The following VSIG8 variants were observed in gnomAD, a reference collection of about 807,000 sequenced individuals.
VSIG8 encodes the protein V-set and immunoglobulin domain-containing protein 8.
A neutral mutation model predicts 42.6 loss-of-function variants in VSIG8; 32 were observed. The ratio of observed to expected loss-of-function variants is 0.75; its 90% CI spans 0.57 to 1.01. VSIG8 has a LOEUF of 1.01. Among genes scored for constraint, VSIG8 ranks in the 50% least tolerant of loss-of-function variants. The pLI is 0.00. For missense variants in VSIG8, 529 were observed against 558.0 expected (o/e 0.95, Z 0.52); for synonymous variants, 290 against 243.8 (o/e 1.19, Z -1.77).
At position 159,862,618 on chromosome 1, in the gene VSIG8, G is replaced by T. The variant is rs1649060452; in HGVS notation, c.-97C>A. Reference sequence around the variant, plus strand: ...TAGGTGGAGGGAGGGGGAGCTGAGGGCCCAGACACTGCCTGGGGTGGCAGG... The same window carrying T: ...TAGGTGGAGGGAGGGGGAGCTGAGGTCCCAGACACTGCCTGGGGTGGCAGG... On this transcript the variant is annotated 5_prime_UTR_variant, in exon 1 of 7. Coordinates refer to ENST00000368100, the MANE Select transcript of VSIG8 (RefSeq NM_001013661.1). The T allele has an allele frequency of 6.7e-6, 8 of 1,190,312 alleles. No homozygotes were observed. The highest frequency in any genetic ancestry group is 1.5e-5 in the African/African-American group (1 of 65,522). 73.7% of individuals were successfully genotyped at this position (1,190,312 alleles called of 1,614,324 possible).
In VSIG8 at chr1:159,856,047, G is replaced by A. The variant is rs1187778646; in HGVS notation, c.807C>T (p.Val269=). The A allele has an allele frequency of 1.2e-6, 2 of 1,612,456 alleles. No individual in the cohort carries two copies. The highest frequency in any genetic ancestry group is 1.7e-5 in the Admixed American group (1 of 59,932). Residue 269 remains valine, a synonymous_variant, in exon 6 of 7, where the codon GTC becomes GTT. Transcript: ENST00000368100. ...SRRIGVIIGI[V]LGSLLALGCL... ...AGCCCAGCGCGAGCAGAGAGCCCAG[G>A]ACGATGCCGATGATCACGCCTATAC...
At chr1:159,855,090 G>C (rs1203295613) in intron 6 of VSIG8, 64 bp from the exon 7 acceptor site, 34 of 1,555,860 alleles carry the variant, frequency 2.2e-5, no homozygotes, top group Non-Finnish European at 2.8e-5. Flanking sequence ...GGCACGGCCT[G>C]GGCAGAGCCG....
Position 159,854,662 on chromosome 1 carries a change from GTC to G in VSIG8, c.*89_*90del. 7.4e-7 allele frequency: 1 copy of G among 1,350,438 alleles called. No homozygotes were observed. The highest frequency in any genetic ancestry group is 9.5e-7 in the Non-Finnish European group (1 of 1,056,984). The allele number at this position is 1,350,438 out of a possible 1,614,324, so 83.7% of individuals were successfully genotyped here. A position where few individuals can be genotyped will look rare whatever the true frequency, so the allele number is the denominator to read the frequency against. Reference sequence around the variant, plus strand: ...CGCCTGGCAGCCTGGGGCGAGCGAGGTCGTCCCCAGCCCCGACGTGTCCCCAG... The same window carrying G: ...CGCCTGGCAGCCTGGGGCGAGCGAGGGTCCCCAGCCCCGACGTGTCCCCAG... On this transcript the variant is annotated 3_prime_UTR_variant, in exon 7 of 7. Transcript: ENST00000368100.
rs776077431 is a variant in VSIG8, at chr1:159,857,839, G to T, written c.558C>A (p.His186Gln). The T allele has an allele frequency of 6.2e-7, 1 of 1,614,094 alleles. No homozygotes were observed. Among genetic ancestry groups the T allele is most frequent in the East Asian group, 2.2e-5 (1 of 44,894 alleles). Residue 186 changes from histidine to glutamine, a missense_variant, in exon 4 of 7, where the codon CAC (histidine) becomes CAA (glutamine). Coordinates refer to ENST00000368100, the MANE Select transcript of VSIG8 (RefSeq NM_001013661.1). ...LSYKWAKISGHHYPYRAGSYT... is the reference protein window; with the variant it reads ...LSYKWAKISGQHYPYRAGSYT... ...AAGACCCAGCTCGATAGGGGTAATG[G>T]TGCCCACTGATCTTGGCCCACTTGT...
In VSIG8 at chr1:159,854,728, G is replaced by T. The variant is rs1180795521; in HGVS notation, c.*25C>A. On this transcript the variant is annotated 3_prime_UTR_variant, in exon 7 of 7. Transcript: ENST00000368100. ...GCCCCGCGCCCTCCTCCTGGCTGGG[G>T]CGCAGCCCGGCCCGGCGCGCGCGCT... is the stretch of plus-strand genomic sequence containing the variant. 3.5e-6 allele frequency: 5 copies of T among 1,447,266 alleles called. No homozygotes were observed. Among genetic ancestry groups the T allele is most frequent in the Non-Finnish European group, 4.5e-6 (5 of 1,108,670 alleles). The allele number at this position is 1,447,266 out of a possible 1,614,324, so 89.7% of individuals were successfully genotyped here.
chr1:159,855,350 C>A (rs908857181), intron 6 of VSIG8: 1 of 1,471,210 alleles, frequency 6.8e-7, no homozygotes, highest in African/African-American at 1.4e-5. Flanking sequence ...TGCTTTTCCT[C>A]TTCTTCTTTC....
chr1:159,855,506 A>T, intron 6 of VSIG8: 1 of 985,162 alleles, frequency 1.0e-6, no homozygotes, highest in Non-Finnish European at 1.2e-6. Flanking sequence ...GTTTGCTTCT[A>T]ATATAAGTTA....
In VSIG8 at chr1:159,854,630, C is replaced by T; in HGVS notation, c.*123G>A. The T allele has an allele frequency of 7.5e-7, 1 of 1,340,414 alleles. No individual in the cohort carries two copies. The highest frequency in any genetic ancestry group is 1.9e-5 in the South Asian group (1 of 53,830). The allele number at this position is 1,340,414 out of a possible 1,614,324, so 83.0% of individuals were successfully genotyped here. ...CATTTCCTTAGGGAAATGCCTTCAC[C>T]CCCAGCCGCCTGGCAGCCTGGGGCG... On this transcript the variant is annotated 3_prime_UTR_variant, in exon 7 of 7. Coordinates refer to ENST00000368100, the MANE Select transcript of VSIG8 (RefSeq NM_001013661.1).
intron 1 of VSIG8, among the ~76,000 whole-genome samples, chr1:159,860,224 C>T (rs1031199152): frequency 8.5e-5 from 13 of 152,210 alleles, no homozygotes; most frequent in Admixed American, 1.3e-4. Flanking sequence ...CACAGGCAAA[C>T]AAATCGGCAC....
chr1:159,859,218 T>C (rs1648946910), intron 1 of VSIG8, among the ~76,000 whole-genome samples: 1 of 152,228 alleles, frequency 6.6e-6, no homozygotes, highest in African/African-American at 2.4e-5. Context: ...TGAGTATTTG[T>C]GGCTGCTTAT....
In VSIG8 at chr1:159,856,049, C is replaced by A; in HGVS notation, c.805G>T (p.Val269Phe). Residue 269 changes from valine (V) to phenylalanine (F), a missense_variant, in exon 6 of 7, where the codon GTC becomes TTC. Val to Phe is a conservative substitution (Grantham distance 50, BLOSUM62 -1). Transcript: ENST00000368100. ...CCCAGCGCGAGCAGAGAGCCCAGGA[C>A]GATGCCGATGATCACGCCTATACGC... ...SRRIGVIIGI[V>F]LGSLLALGCL... 1 of 1,612,378 alleles carries A rather than the reference C, an allele frequency of 6.2e-7. No homozygotes were observed. The highest frequency in any genetic ancestry group is 1.1e-5 in the South Asian group (1 of 90,784).
rs544225817 is a variant in VSIG8 at position 159,860,400 on chromosome 1, C to T, written c.50-1488G>A. ...ACACCCACCGTGTGTTCATATAGTC[C>T]CTGTATGTGTTCATTCAAGACCAGA... is the stretch of plus-strand genomic sequence containing the variant. On this transcript the variant is annotated intron_variant, in intron 1 of 6. Coordinates refer to ENST00000368100, the MANE Select transcript of VSIG8 (RefSeq NM_001013661.1). Among the ~76,000 whole-genome samples, 3 of 152,314 alleles carry T rather than the reference C, an allele frequency of 2.0e-5. No individual in the cohort carries two copies. In the South Asian group the frequency reaches 6.2e-4, roughly 32 times the overall value.
rs188306883 is a variant in VSIG8, at chr1:159,856,637, T to C, written c.659A>G (p.Asn220Ser). ...ATCCTTCAACACCAGGTCCCCATTG[T>C]TCAGGCCTGAAAGTGAAGTGGAGAG... The part of the protein sequence containing the change: ...SFHSSINQGL[N>S]NGDLVLKDIS... Residue 220 changes from asparagine to serine, a missense_variant, in exon 5 of 7, where the codon AAC (asparagine) becomes AGC (serine). By Grantham distance (46) the Asn-to-Ser change is conservative. Coordinates refer to ENST00000368100, the MANE Select transcript of VSIG8 (RefSeq NM_001013661.1). The C allele has an allele frequency of 6.2e-7, 1 of 1,614,052 alleles. No homozygotes were observed. The highest frequency in any genetic ancestry group is 8.5e-7 in the Non-Finnish European group (1 of 1,179,954).
chr1:159,859,285 A>G (rs1320975699), intron 1 of VSIG8, among the ~76,000 whole-genome samples: 1 of 152,156 alleles, frequency 6.6e-6, no homozygotes, highest in Non-Finnish European at 1.5e-5. Context: ...TTATATATTT[A>G]TATGATAGTG....
Position 159,862,582 on chromosome 1 carries a change from G to C in VSIG8, c.-61C>G. On this transcript the variant is annotated 5_prime_UTR_variant, in exon 1 of 7. Transcript: ENST00000368100. The stretch of plus-strand genomic sequence containing the variant: ...GTATCCCGTGGGGTCGTAGTGGTGG[G>C]TGTGAGGGGGTAGGTGGAGGGAGGG... The C allele has an allele frequency of 6.6e-7, 1 of 1,524,302 alleles. No individual in the cohort carries two copies. Among genetic ancestry groups the C allele is most frequent in the Non-Finnish European group, 9.0e-7 (1 of 1,110,534 alleles). 94.4% of individuals were successfully genotyped at this position (1,524,302 alleles called of 1,614,324 possible). A position where few individuals can be genotyped will look rare whatever the true frequency, so the allele number is the denominator to read the frequency against.
chr1:159,854,899 C>A lies in VSIG8; in HGVS notation c.1099G>T (p.Gly367Cys). ...GGCGCCAGGGCCACGTCCTCGGGGC[C>A]GCCGCAGGGGGGAGGCGCGTACTTG... ...RRKYAPPPCG[G>C]PEDVALAPCT... The change falls in exon 7 of 7, where the codon GGC becomes TGC. Residue 367 changes from glycine to cysteine, a missense_variant. Transcript: ENST00000368100. 1.4e-6 allele frequency: 2 copies of A among 1,472,448 alleles called. No individual in the cohort carries two copies. The highest frequency in any genetic ancestry group is 1.8e-6 in the Non-Finnish European group (2 of 1,121,382). The allele number at this position is 1,472,448 out of a possible 1,614,324, so 91.2% of individuals were successfully genotyped here.
chr1:159,859,052 G>C, intron 1 of VSIG8, 140 bp from the exon 2 acceptor site: 2 of 808,694 alleles, frequency 2.5e-6, no homozygotes, highest in Non-Finnish European at 3.8e-6. Flanking sequence ...AGGGCTGCTC[G>C]TAGTGGGTGT....
intron 1 of VSIG8, chr1:159,860,826 G>A (rs1649000256): frequency 6.6e-6 from 1 of 152,288 alleles, no homozygotes; most frequent in Non-Finnish European, 1.5e-5. Flanking sequence ...CATGCCATAG[G>A]AGCCTGCCAG....
At chr1:159,857,358 G>A (rs2101829076) in intron 4 of VSIG8, among the ~76,000 whole-genome samples, 1 of 152,306 alleles carries the variant, frequency 6.6e-6, no homozygotes, top group South Asian at 2.1e-4. Flanking sequence ...CGGATCGCCT[G>A]AGGTCAGGAG....
Sources: allele counts gnomAD v4.1 joint callset (sites outside exome capture counted in the v4.1 genomes callset), GRCh38; gene constraint gnomAD v4.1.1; transcripts MANE v1.5; gene names NCBI Gene and HGNC (gene_info 2026-07-23, HGNC 2026-07-21).